USP34: variants seen among roughly 807,000 people sequenced by gnomAD.
USP34 encodes ubiquitin specific peptidase 34.
Under a neutral mutation model 460.3 loss-of-function variants are expected in USP34, and 70 were observed. That is an observed-to-expected ratio of 0.15 (90% CI 0.13 to 0.19). USP34 has a LOEUF of 0.19. Among genes scored for constraint, USP34 ranks in the 10% least tolerant of loss-of-function variants. The pLI is 1.00. For synonymous variants in USP34, 1,647 were observed against 1,405.3 expected, an observed-to-expected ratio of 1.17 and a Z score of -3.85; for missense variants, 3,985 against 4,236.2, an observed-to-expected ratio of 0.94 and a Z score of 1.65.
chr2:61,373,171 T>C (rs554665016), intron 8 of USP34, among the ~76,000 whole-genome samples: 2 of 152,246 alleles, frequency 1.3e-5, no homozygotes, highest in African/African-American at 4.8e-5. Context: ...AAAATTAAGA[T>C]ATTTTTTAAA....
intron 2 of USP34, chr2:61,417,342 A>G (rs1694226009): frequency 1.6e-6 from 1 of 627,056 alleles, no homozygotes; most frequent in Non-Finnish European, 2.9e-6. Flanking sequence ...CTGGACCCCC[A>G]TAAGGAAAGG....
intron 25 of USP34, 57 bp from the exon 26 acceptor site, chr2:61,311,967 T>G (rs1394015661): frequency 6.3e-7 from 1 of 1,574,856 alleles, no homozygotes; most frequent in Non-Finnish European, 8.6e-7. Flanking sequence ...CATTTTAATG[T>G]TACGCAAATT....
Position 61,206,860 on chromosome 2 carries a change from A to G in USP34, c.8946T>C (p.Tyr2982=), listed in dbSNP as rs745909444. The change falls in exon 71 of 80, where the codon TAT becomes TAC. Residue 2982 remains tyrosine, a synonymous_variant. Coordinates refer to ENST00000398571, the MANE Select transcript of USP34 (RefSeq NM_014709.4). Reference sequence around the variant, plus strand: ...TCACATGGCAAGCTGTAGCTTCGTGATACATCATGTGCAAAGTGTTGAAAG... The same window carrying G: ...TCACATGGCAAGCTGTAGCTTCGTGGTACATCATGTGCAAAGTGTTGAAAG... ...TESFNTLHMM[Y]HEATACHVTG... is the part of the protein sequence containing the mutation. The G allele has an allele frequency of 6.2e-7, 1 of 1,613,498 alleles. No individual in the cohort carries two copies. The highest frequency in any genetic ancestry group is 8.5e-7 in the Non-Finnish European group (1 of 1,179,706).
intron 20 of USP34, among the ~76,000 whole-genome samples, chr2:61,328,233 T>C (rs912005574): frequency 5.5e-5 from 8 of 146,762 alleles, no homozygotes; most frequent in African/African-American, 1.5e-4. Flanking sequence ...ACCCAGGAGG[T>C]GGAGGTTACA....
At chr2:61,388,456 TAAAAA>T (rs34286687) in intron 5 of USP34, among the ~76,000 whole-genome samples, 101 of 129,592 alleles carry the variant, frequency 7.8e-4, no homozygotes, top group Non-Finnish European at 1.2e-3. Flanking sequence ...CAGGGGAGTT[TAAAAA>T]AAAAAAAAAA....
At chr2:61,189,166 C>T in intron 78 of USP34, 97 bp from the exon 79 acceptor site, 1 of 1,329,504 alleles carries the variant, frequency 7.5e-7, no homozygotes, top group Non-Finnish European at 1.0e-6. Context: ...CCCAGGAATC[C>T]ATTCTTTCCT....
At chr2:61,296,778 T>C (rs1690043019) in intron 30 of USP34, 22 bp downstream of exon 30, 3 of 1,606,296 alleles carry the variant, frequency 1.9e-6, no homozygotes, top group Non-Finnish European at 2.5e-6. Flanking sequence ...TCTAGGAGAG[T>C]AAAGAGATTT....
chr2:61,283,601 G>A, intron 35 of USP34, 152 bp from the exon 36 acceptor site: 1 of 696,970 alleles, frequency 1.4e-6, no homozygotes, highest in Non-Finnish European at 2.3e-6. Flanking sequence ...GAGAGTGAGA[G>A]AGAGTGTGAG....
chr2:61,288,003 A>G (rs1689739046), intron 34 of USP34, among the ~76,000 whole-genome samples: 1 of 152,236 alleles, frequency 6.6e-6, no homozygotes, highest in South Asian at 2.1e-4. Flanking sequence ...CCAGTCTAGG[A>G]TACTTGAGAG....
intron 1 of USP34, among the ~76,000 whole-genome samples, chr2:61,445,301 C>G (rs576947739): frequency 5.3e-5 from 8 of 149,884 alleles, no homozygotes; most frequent in Admixed American, 2.7e-4. Flanking sequence ...TTTGGGAGGC[C>G]GAGGCGGGCG....
At chr2:61,461,401 TAAAA>T (rs938901947) in intron 1 of USP34, among the ~76,000 whole-genome samples, 2 of 122,496 alleles carry the variant, frequency 1.6e-5, no homozygotes, top group African/African-American at 3.0e-5. Flanking sequence ...CTCAAAAAAA[TAAAA>T]AAAAAAACCC....
At chr2:61,282,743 T>C (rs1224369789) in intron 37 of USP34, among the ~76,000 whole-genome samples, 3 of 151,994 alleles carry the variant, frequency 2.0e-5, no homozygotes, top group Non-Finnish European at 4.4e-5. Flanking sequence ...GGAGCCTTGA[T>C]TGCACCACTA....
intron 10 of USP34, 108 bp downstream of exon 10, chr2:61,370,213 T>C: frequency 9.0e-7 from 1 of 1,113,230 alleles, no homozygotes; most frequent in Admixed American, 2.4e-5. Context: ...CTTGTCCATG[T>C]CTTGGTCTCC....
At chr2:61,334,235 A>G (rs1343210184) in intron 18 of USP34, among the ~76,000 whole-genome samples, 1 of 152,186 alleles carries the variant, frequency 6.6e-6, no homozygotes, top group African/African-American at 2.4e-5. Flanking sequence ...AAGAGCATTT[A>G]AAGATGTTTC....
chr2:61,221,551 G>T lies in USP34; in HGVS notation c.7850C>A (p.Pro2617His). Residue 2617 changes from proline (P) to histidine (H), a missense_variant, in exon 66 of 80, where the codon CCT becomes CAT. Around this residue, in one of 14 missense-constraint regions of USP34, gnomAD observed 604 missense variants for 684.8 expected, o/e 0.88. Coordinates refer to ENST00000398571, the MANE Select transcript of USP34 (RefSeq NM_014709.4). ...LTMLMEFAGGPPGMPPFASYI... is the reference protein window; with the variant it reads ...LTMLMEFAGGHPGMPPFASYI... ...AGATGCAAAGGGAGGCATTCCTGGA[G>T]GTCCACCAGCAAACTCCATTAGCAT... The T allele has an allele frequency of 6.2e-7, 1 of 1,614,088 alleles. No homozygotes were observed. Among genetic ancestry groups the T allele is most frequent in the Non-Finnish European group, 8.5e-7 (1 of 1,179,958 alleles).
intron 27 of USP34, among the ~76,000 whole-genome samples, chr2:61,306,701 G>A (rs963870746): frequency 2.6e-5 from 4 of 152,198 alleles, no homozygotes; most frequent in Middle Eastern, 3.4e-3. Context: ...GCAGCCAAAA[G>A]ACACATGAAA....
intron 2 of USP34, among the ~76,000 whole-genome samples, chr2:61,413,335 G>C (rs1429897126): frequency 6.6e-6 from 1 of 152,142 alleles, no homozygotes; most frequent in Non-Finnish European, 1.5e-5. Flanking sequence ...AGGCTGCAGT[G>C]AGCCAAGATC....
intron 8 of USP34, among the ~76,000 whole-genome samples, chr2:61,374,014 G>A (rs980050775): frequency 6.6e-6 from 1 of 152,130 alleles, no homozygotes; most frequent in Non-Finnish European, 1.5e-5. Context: ...AAATTAGCCA[G>A]GCGTGGTGGC....
intron 69 of USP34, among the ~76,000 whole-genome samples, chr2:61,209,732 A>T (rs1401328436): frequency 6.6e-6 from 1 of 152,214 alleles, no homozygotes; most frequent in Non-Finnish European, 1.5e-5. Context: ...TTAAATGTAA[A>T]ACAGCCTTAG....
Sources: allele counts gnomAD v4.1 joint callset (sites outside exome capture counted in the v4.1 genomes callset), GRCh38; gene constraint gnomAD v4.1.1; regional missense constraint gnomAD v4.1.1; transcripts MANE v1.5; gene names NCBI Gene and HGNC (gene_info 2026-07-23, HGNC 2026-07-21).